The following SLC25A46 variants were observed in gnomAD, a reference collection of about 807,000 sequenced individuals.
SLC25A46 encodes the protein solute carrier family 25 member 46.
Under a neutral mutation model 44.6 loss-of-function variants are expected in SLC25A46, and 39 were observed. The observed-to-expected ratio is 0.87, with a 90% CI of 0.68 to 1.14. The LOEUF is 1.14. Ranked by LOEUF, SLC25A46 falls within the 50% of genes most tolerant of loss-of-function variation. The probability of loss-of-function intolerance (pLI) is 0.00; values close to 1 mark genes in which losing one functional copy is unlikely to be tolerated. For synonymous variants in SLC25A46, 202 were observed against 185.8 expected (o/e 1.09, Z -0.71); for missense variants, 547 against 522.7 (o/e 1.05, Z -0.45).
intron 4 of SLC25A46, among the ~76,000 whole-genome samples, chr5:110,746,911 A>G (rs1001622598): frequency 4.6e-5 from 7 of 152,160 alleles, no homozygotes; most frequent in Admixed American, 2.6e-4. Context: ...GGGGTTGAAG[A>G]GTAAGAGAAA....
chr5:110,756,565 G>C (rs1419024948), intron 6 of SLC25A46, 137 bp from the exon 7 acceptor site: 1 of 537,200 alleles, frequency 1.9e-6, no homozygotes, highest in Non-Finnish European at 3.3e-6. Context: ...TAGGCTGTAG[G>C]TATTAATAGT....
chr5:110,743,605 T>C (rs1335017689), intron 2 of SLC25A46, 125 bp from the exon 3 acceptor site: 1 of 516,712 alleles, frequency 1.9e-6, no homozygotes, highest in Non-Finnish European at 3.3e-6. Flanking sequence ...ATTTAATTTG[T>C]TTAAGAATGG....
At chr5:110,743,096 A>T (rs746445191) in intron 2 of SLC25A46, among the ~76,000 whole-genome samples, 1 of 152,078 alleles carries the variant, frequency 6.6e-6, no homozygotes, top group Non-Finnish European at 1.5e-5. Context: ...CTATTATTAC[A>T]TATAAATATG....
chr5:110,739,508 T>A (rs1799565379), intron 1 of SLC25A46, 106 bp downstream of exon 1: 1 of 1,415,950 alleles, frequency 7.1e-7, no homozygotes, highest in East Asian at 2.6e-5. Flanking sequence ...CTATTCCTTC[T>A]CATCCTATCG....
chr5:110,761,766 T>C lies in SLC25A46; in HGVS notation c.1241T>C (p.Leu414Pro). Reference protein sequence around the residue: ...QITKIIYSTLLQNNI With the variant: ...QITKIIYSTLPQNNI ...ACCAAAATTATTTACTCTACACTTC[T>C]TCAAAATAACATTTGAGATTTAGGT... Residue 414 changes from leucine (L) to proline (P), a missense_variant, in exon 8 of 8, where the codon CTT becomes CCT. By Grantham distance (98) the Leu-to-Pro change is moderately conservative. Coordinates refer to ENST00000355943, the MANE Select transcript of SLC25A46 (RefSeq NM_138773.4). The surrounding 1 kb of genome is among the most constrained non-coding windows in gnomAD (Gnocchi z 5.3). 1 of 1,609,052 alleles carries C rather than the reference T, an allele frequency of 6.2e-7. No homozygotes were observed. Among genetic ancestry groups the C allele is most frequent in the African/African-American group, 1.3e-5 (1 of 74,858 alleles).
chr5:110,754,208 A>G (rs17506409), intron 5 of SLC25A46: 15,048 of 151,766 alleles, frequency 0.099, 874 homozygotes, highest in South Asian at 0.21. Context: ...GAAAATGTTT[A>G]TCTAGATTCC....
In SLC25A46 at chr5:110,739,151, G is replaced by T. The variant is rs1187287545; in HGVS notation, c.32G>T (p.Gly11Val). The change falls in exon 1 of 8, where the codon GGC (glycine) becomes GTC (valine). Residue 11 changes from glycine to valine, a missense_variant. By Grantham distance (109) the Gly-to-Val change is moderately radical. Transcript: ENST00000355943. MHPRRPDGFD[G>V]LGYRGGARDE... ...CCGCGGCGCCCGGACGGATTTGATG[G>T]CTTGGGCTACCGGGGTGGTGCCCGG... 1.9e-6 allele frequency: 3 copies of T among 1,549,468 alleles called. No individual in the cohort carries two copies. The highest frequency in any genetic ancestry group is 2.6e-6 in the Non-Finnish European group (3 of 1,146,902).
chr5:110,743,633 A>G (rs1799743356), intron 2 of SLC25A46, 97 bp from the exon 3 acceptor site: 1 of 600,372 alleles, frequency 1.7e-6, no homozygotes. Flanking sequence ...AAAATAATGC[A>G]TGATTCTTCA....
chr5:110,738,374 C>A, upstream of SLC25A46: 1 of 590,442 alleles, frequency 1.7e-6, no homozygotes, highest in African/African-American at 2.0e-5. Context: ...CGACAGAAAA[C>A]TATAGTTTCT....
chr5:110,740,581 A>G (rs1799641536), intron 1 of SLC25A46, among the ~76,000 whole-genome samples: 1 of 152,176 alleles, frequency 6.6e-6, no homozygotes, highest in Non-Finnish European at 1.5e-5. Context: ...CACAGTAAAC[A>G]AGATTAAACC....
At chr5:110,743,033 G>A (rs1424128614) in intron 2 of SLC25A46, among the ~76,000 whole-genome samples, 1 of 151,932 alleles carries the variant, frequency 6.6e-6, no homozygotes, top group Non-Finnish European at 1.5e-5. Context: ...CATTCTGCTG[G>A]AGTTGTTTTT....
chr5:110,757,516 G>C (rs1439142280), intron 7 of SLC25A46, among the ~76,000 whole-genome samples: 1 of 152,070 alleles, frequency 6.6e-6, no homozygotes, highest in South Asian at 2.1e-4. Flanking sequence ...ACTCGCACTG[G>C]ATCAGCCTTT....
intron 1 of SLC25A46, 32 bp downstream of exon 1, chr5:110,739,434 G>C (rs1394261285): frequency 4.0e-6 from 6 of 1,505,320 alleles, no homozygotes; most frequent in African/African-American, 2.8e-5. Flanking sequence ...ACAGGGATGA[G>C]GGGTTACTGG....
chr5:110,753,863 A>G (rs1396131256), intron 5 of SLC25A46: 1 of 152,204 alleles, frequency 6.6e-6, no homozygotes, highest in Non-Finnish European at 1.5e-5. Flanking sequence ...TGGTGTCGTC[A>G]TAAACTGTGG....
At chr5:110,754,287 T>C (rs775460295) in intron 5 of SLC25A46, 6 of 148,062 alleles carry the variant, frequency 4.1e-5, no homozygotes, top group Non-Finnish European at 9.0e-5. Context: ...GCAAGTCTTA[T>C]CTTTATTTTG....
chr5:110,745,116 A>T (rs1301920208), intron 3 of SLC25A46, among the ~76,000 whole-genome samples: 1 of 152,206 alleles, frequency 6.6e-6, no homozygotes, highest in Non-Finnish European at 1.5e-5. Context: ...ATTAGTGAAA[A>T]TGTCAAGACA....
chr5:110,755,237 G>T (rs1800077239), intron 5 of SLC25A46: 1 of 326,536 alleles, frequency 3.1e-6, no homozygotes, highest in Non-Finnish European at 5.6e-6. Flanking sequence ...TTGCTTCTCT[G>T]CCAGCCCCTT....
rs929613387 is a variant in SLC25A46 at position 110,739,063 on chromosome 5, G to A, written c.-57G>A. The A allele has an allele frequency of 1.3e-6, 2 of 1,527,974 alleles. No homozygotes were observed. The highest frequency in any genetic ancestry group is 1.4e-5 in the African/African-American group (1 of 72,228). 94.7% of individuals were successfully genotyped at this position (1,527,974 alleles called of 1,614,324 possible). A position where few individuals can be genotyped will look rare whatever the true frequency, so the allele number is the denominator to read the frequency against. Reference sequence around the variant, plus strand: ...GGGAAGCTGTGTGTGCTTAGGTCGTGGTGGCCCCGGTGGTGGTGGGCTCCG... The same window carrying A: ...GGGAAGCTGTGTGTGCTTAGGTCGTAGTGGCCCCGGTGGTGGTGGGCTCCG... On this transcript the variant is annotated 5_prime_UTR_variant, in exon 1 of 8. Coordinates refer to ENST00000355943, the MANE Select transcript of SLC25A46 (RefSeq NM_138773.4).
chr5:110,746,210 C>T (rs891567150), intron 3 of SLC25A46, 59 bp from the exon 4 acceptor site: 35 of 1,283,054 alleles, frequency 2.7e-5, no homozygotes, highest in Non-Finnish European at 3.6e-5. Flanking sequence ...TCTTTCATGG[C>T]TCTGTTATTT....
Sources: allele counts gnomAD v4.1 joint callset (sites outside exome capture counted in the v4.1 genomes callset), GRCh38; gene constraint gnomAD v4.1.1; non-coding constraint Gnocchi (gnomAD v3.1); transcripts MANE v1.5; gene names NCBI Gene and HGNC (gene_info 2026-07-23, HGNC 2026-07-21).